The following SSBP4 variants were observed in gnomAD, a reference collection of about 807,000 sequenced individuals.
SSBP4 encodes the protein single-stranded DNA-binding protein 4.
A neutral mutation model predicts 64.6 loss-of-function variants in SSBP4; 33 were observed. The ratio of observed to expected loss-of-function variants is 0.51; its 90% CI spans 0.39 to 0.68. The LOEUF is 0.68. Among genes scored for constraint, SSBP4 ranks in the 30% least tolerant of loss-of-function variants. SSBP4 has a pLI of 0.00. For missense variants in SSBP4, 583 were observed against 566.8 expected, an observed-to-expected ratio of 1.03 and a Z score of -0.29; for synonymous variants, 243 against 224.0, an observed-to-expected ratio of 1.08 and a Z score of -0.76.
intron 4 of SSBP4, among the ~76,000 whole-genome samples, chr19:18,429,597 C>A (rs912691483): frequency 6.8e-6 from 1 of 147,980 alleles, no homozygotes; most frequent in Non-Finnish European, 1.5e-5. Context: ...TCCCCACCCT[C>A]GGGGAGTGGA....
Position 18,427,839 on chromosome 19 carries a change from G to C in SSBP4, c.194+26G>C. On this transcript the variant is annotated intron_variant, in intron 3 of 17. Transcript: ENST00000270061. The surrounding 1 kb of genome is among the most constrained non-coding windows in gnomAD (Gnocchi z 4.4). ...GTACGGGCTGGGCTGCTGTGGGTGG[G>C]CTGTGGAAGGGGGTTGAGGGAGGCA... 4 of 1,613,226 alleles carry C rather than the reference G, an allele frequency of 2.5e-6. No homozygotes were observed. The highest frequency in any genetic ancestry group is 1.7e-5 in the Admixed American group (1 of 59,990).
chr19:18,421,185 C>T (rs764043863), intron 1 of SSBP4, among the ~76,000 whole-genome samples: 2 of 152,258 alleles, frequency 1.3e-5, no homozygotes, highest in African/African-American at 4.8e-5. Context: ...TGCCCAGCCT[C>T]TGGGTCATTT....
upstream of SSBP4, chr19:18,419,219 C>G (rs913229564): frequency 1.0e-6 from 1 of 987,536 alleles, no homozygotes; most frequent in Non-Finnish European, 1.2e-6. Context: ...GGTGGCCGTC[C>G]GGGATCCTGA....
At chr19:18,418,942 G>T, upstream of SSBP4, 3 of 984,212 alleles carry the variant, frequency 3.0e-6, no homozygotes, top group Non-Finnish European at 3.6e-6. The surrounding 1 kb of genome is among the most constrained non-coding windows in gnomAD (Gnocchi z 6.7). Context: ...CGCTGGGCGG[G>T]CTGTATGTGC....
the SSBP4 span, among the ~76,000 whole-genome samples, chr19:18,402,726 C>T: frequency 3.5e-3 from 539 of 152,248 alleles, 3 homozygotes; most frequent in African/African-American, 0.013. Context: ...CATCGCCATT[C>T]TCCATTCTCG....
At chr19:18,433,540 C>T (rs988712630) in intron 15 of SSBP4, 45 bp from the exon 16 acceptor site, 12 of 1,545,592 alleles carry the variant, frequency 7.8e-6, no homozygotes, top group Non-Finnish European at 1.0e-5. Context: ...AGGGGCATGG[C>T]GCCAGCACGT....
rs1972943076 is a variant in SSBP4, at chr19:18,427,512, C to T, written c.132+89C>T. The T allele has an allele frequency of 2.7e-6, 4 of 1,483,852 alleles. No individual in the cohort carries two copies. The highest frequency in any genetic ancestry group is 1.2e-5 in the South Asian group (1 of 84,158). 91.9% of individuals were successfully genotyped at this position (1,483,852 alleles called of 1,614,324 possible). ...ACTGGGGATCCAGGGGGTGGGCCCG[C>T]GTTGCCCCTCTGATGGCCCTGGGAA... On this transcript the variant is annotated intron_variant, in intron 2 of 17. Coordinates refer to ENST00000270061, the MANE Select transcript of SSBP4 (RefSeq NM_032627.5). The surrounding 1 kb of genome is among the most constrained non-coding windows in gnomAD (Gnocchi z 4.4).
the SSBP4 span, among the ~76,000 whole-genome samples, chr19:18,413,503 C>T: frequency 6.6e-6 from 1 of 152,120 alleles, no homozygotes; most frequent in African/African-American, 2.4e-5. Flanking sequence ...CGTGACCCAC[C>T]ACACCCAGCC....
chr19:18,415,563 G>A (rs1405694880), upstream of SSBP4, among the ~76,000 whole-genome samples: 1 of 152,168 alleles, frequency 6.6e-6, no homozygotes, highest in South Asian at 2.1e-4. Flanking sequence ...AGTGCCCAGG[G>A]AAGGCTTGGA....
chr19:18,434,199 C>G lies in SSBP4; in HGVS notation c.1129-18C>G. The G allele has an allele frequency of 1.2e-6, 2 of 1,611,304 alleles. No individual in the cohort carries two copies. The highest frequency in any genetic ancestry group is 1.7e-6 in the Non-Finnish European group (2 of 1,179,298). ...GCTGAACTCGGCCCCTGCGCGCTGC[C>G]CCCTCCTCTCTCCGCAGTACTCGCC... On this transcript the variant is annotated intron_variant, in intron 17 of 17. Transcript: ENST00000270061.
At chr19:18,428,618 C>T (rs1178913763) in intron 4 of SSBP4, among the ~76,000 whole-genome samples, 1 of 152,164 alleles carries the variant, frequency 6.6e-6, no homozygotes, top group Non-Finnish European at 1.5e-5. Flanking sequence ...CCACCTGGCC[C>T]CCTCTGTTGG....
chr19:18,408,891 C>T, the SSBP4 span, among the ~76,000 whole-genome samples: 1 of 151,962 alleles, frequency 6.6e-6, no homozygotes, highest in Non-Finnish European at 1.5e-5. Context: ...TCACTCACTG[C>T]AACCTCCACT....
upstream of SSBP4, among the ~76,000 whole-genome samples, chr19:18,417,391 G>A (rs73923112): frequency 5.1e-3 from 778 of 152,316 alleles, 2 homozygotes; most frequent in African/African-American, 0.018. The surrounding 1 kb of genome is among the most constrained non-coding windows in gnomAD (Gnocchi z 5.4). Flanking sequence ...GGGCCCTGGG[G>A]AGCCACGGAG....
intron 1 of SSBP4, among the ~76,000 whole-genome samples, chr19:18,421,593 T>C (rs993982357): frequency 6.6e-6 from 1 of 152,204 alleles, no homozygotes; most frequent in Admixed American, 6.5e-5. Flanking sequence ...GGTATCCAGT[T>C]AGCAGGAGAA....
rs749679601 is a variant in SSBP4, at chr19:18,431,870, G to C, written c.565+8G>C. 8 of 1,571,666 alleles carry C rather than the reference G, an allele frequency of 5.1e-6. No homozygotes were observed. The highest frequency in any genetic ancestry group is 1.4e-5 in the African/African-American group (1 of 73,954). On this transcript the variant is annotated splice_region_variant and intron_variant, in intron 8 of 17. Coordinates refer to ENST00000270061, the MANE Select transcript of SSBP4 (RefSeq NM_032627.5). ...CCTCCCCACGAGCCCAGGGTGAGTAGGGAAGCTCCAGCCCCTATCCCGCCA... is the reference window on the plus strand; with the variant it reads ...CCTCCCCACGAGCCCAGGGTGAGTACGGAAGCTCCAGCCCCTATCCCGCCA...
chr19:18,416,193 TGAGTA>T (rs2144653593), upstream of SSBP4, among the ~76,000 whole-genome samples: 1 of 152,230 alleles, frequency 6.6e-6, no homozygotes, highest in Non-Finnish European at 1.5e-5. Context: ...TTTTGTGTTT[TGAGTA>T]GAGAGGGGGT....
Position 18,434,394 on chromosome 19 carries a change from T to A in SSBP4, c.*148T>A, listed in dbSNP as rs1173996919. The A allele has an allele frequency of 1.5e-6, 2 of 1,371,770 alleles. No individual in the cohort carries two copies. The highest frequency in any genetic ancestry group is 1.9e-6 in the Non-Finnish European group (2 of 1,047,638). The allele number at this position is 1,371,770 out of a possible 1,614,324, so 85.0% of individuals were successfully genotyped here. On this transcript the variant is annotated 3_prime_UTR_variant, in exon 18 of 18. Transcript: ENST00000270061. Reference sequence around the variant, plus strand: ...TGGGAGGCCCCACACGAAAGACTCTTACCATTTTATTAAAAACGCAAGGAC... The same window carrying A: ...TGGGAGGCCCCACACGAAAGACTCTAACCATTTTATTAAAAACGCAAGGAC...
At chr19:18,425,362 C>A (rs946241256) in intron 1 of SSBP4, among the ~76,000 whole-genome samples, 8 of 152,160 alleles carry the variant, frequency 5.3e-5, no homozygotes. Context: ...GCCTTTCATG[C>A]CCCCTGCTCT....
At chr19:18,424,056 C>T (rs553101448) in intron 1 of SSBP4, among the ~76,000 whole-genome samples, 35 of 152,172 alleles carry the variant, frequency 2.3e-4, no homozygotes, top group Admixed American at 5.2e-4. Context: ...AACTTTTCAC[C>T]CAAAACAATA....
Sources: gnomAD v4.1 joint callset for allele counts (sites outside exome capture counted in the v4.1 genomes callset) on GRCh38, gnomAD v4.1.1 for gene constraint, Gnocchi (gnomAD v3.1) non-coding constraint, MANE v1.5 for transcripts, NCBI Gene and HGNC (gene_info 2026-07-23, HGNC 2026-07-21) for gene names.